The following SAMD12 variants were observed in gnomAD, a reference collection of about 807,000 sequenced individuals.
SAMD12 encodes sterile alpha motif domain containing 12.
A neutral mutation model predicts 15.0 loss-of-function variants in SAMD12; 9 were observed. The observed-to-expected ratio is 0.60, with a 90% CI of 0.36 to 1.05. The LOEUF is 1.05. SAMD12 is among the 50% of genes least tolerant of loss of function. The pLI, the probability that SAMD12 is intolerant of heterozygous loss-of-function variation, is 0.01. For missense variants in SAMD12, 230 were observed against 234.2 expected (o/e 0.98, Z 0.12); for synonymous variants, 86 against 90.1 (o/e 0.96, Z 0.25).
At chr8:118,493,283 C>G (rs1824501408) in intron 2 of SAMD12, among the ~76,000 whole-genome samples, 1 of 152,160 alleles carries the variant, frequency 6.6e-6, no homozygotes, top group African/African-American at 2.4e-5. Context: ...TGCTAAATTT[C>G]TCCCAAGTCT....
intron 4 of SAMD12, among the ~76,000 whole-genome samples, chr8:118,370,752 G>C (rs983031778): frequency 1.3e-5 from 2 of 152,094 alleles, no homozygotes; most frequent in Non-Finnish European, 2.9e-5. Flanking sequence ...CATGGACACA[G>C]GGAGGGGAAC....
At chr8:118,502,770 T>C (rs2131044650) in intron 2 of SAMD12, among the ~76,000 whole-genome samples, 1 of 152,358 alleles carries the variant, frequency 6.6e-6, no homozygotes, top group East Asian at 1.9e-4. Flanking sequence ...CACTGAATTA[T>C]GGCCTATGCA....
intron 4 of SAMD12, among the ~76,000 whole-genome samples, chr8:118,232,459 A>AG (rs1812334039): frequency 6.6e-6 from 1 of 152,108 alleles, no homozygotes; most frequent in Non-Finnish European, 1.5e-5. Context: ...GGCTGAAGTG[A>AG]GGGTAGAGGG....
chr8:118,171,855 A>G, the SAMD12 span, among the ~76,000 whole-genome samples: 3 of 152,142 alleles, frequency 2.0e-5, no homozygotes, highest in East Asian at 3.8e-4. Context: ...TTGCAATAGC[A>G]AAGACTTGGA....
intron 2 of SAMD12, among the ~76,000 whole-genome samples, chr8:118,570,306 C>T (rs1474187611): frequency 6.6e-6 from 1 of 152,146 alleles, no homozygotes; most frequent in Non-Finnish European, 1.5e-5. Context: ...TTTTATCACC[C>T]AGGTATTAAG....
At chr8:118,526,644 A>G (rs1290485786) in intron 2 of SAMD12, among the ~76,000 whole-genome samples, 1 of 152,140 alleles carries the variant, frequency 6.6e-6, no homozygotes, top group African/African-American at 2.4e-5. Context: ...AGTGCTGTTC[A>G]TACCCCTAGG....
chr8:118,140,878 G>C, the SAMD12 span, among the ~76,000 whole-genome samples: 2 of 152,134 alleles, frequency 1.3e-5, no homozygotes, highest in African/African-American at 4.8e-5. Context: ...TAATACAGAA[G>C]AACCCTGGCC....
chr8:118,296,358 C>T lies in SAMD12; in HGVS notation c.433+83202G>A, dbSNP rs570439119. ...TGTGTTCAAAATGTTCCCTCTGCCT[C>T]TAGCTGCAGCTCAAATATCCCCTCC... On this transcript the variant is annotated intron_variant, in intron 4 of 4. Coordinates refer to the SAMD12 transcript ENST00000409003. 5.9e-5 allele frequency among the ~76,000 whole-genome samples: 9 copies of T among 152,352 alleles called. No homozygotes were observed. In the South Asian group the frequency reaches 1.9e-3, roughly 32 times the overall value.
intron 3 of SAMD12, among the ~76,000 whole-genome samples, chr8:118,394,507 A>C (rs1279588619): frequency 6.6e-6 from 1 of 152,250 alleles, no homozygotes; most frequent in African/African-American, 2.4e-5. Context: ...TAAACTAGTG[A>C]AATAATATTT....
chr8:118,341,201 G>A (rs1817349330), intron 4 of SAMD12, among the ~76,000 whole-genome samples: 1 of 152,094 alleles, frequency 6.6e-6, no homozygotes, highest in African/African-American at 2.4e-5. Context: ...ACAGCATGGT[G>A]GTCTCAGGGT....
At chr8:118,470,167 T>A (rs1318702398) in intron 2 of SAMD12, among the ~76,000 whole-genome samples, 1 of 151,698 alleles carries the variant, frequency 6.6e-6, no homozygotes, top group Non-Finnish European at 1.5e-5. Flanking sequence ...CTAAACACTA[T>A]TATATGACTC....
At chr8:118,495,972 A>G (rs1052618178) in intron 2 of SAMD12, among the ~76,000 whole-genome samples, 2 of 152,202 alleles carry the variant, frequency 1.3e-5, no homozygotes, top group Admixed American at 6.5e-5. Context: ...ACGGTCATTA[A>G]AACAATAAAA....
At chr8:118,437,146 T>C (rs1161475742) in intron 3 of SAMD12, among the ~76,000 whole-genome samples, 1 of 152,176 alleles carries the variant, frequency 6.6e-6, no homozygotes, top group Non-Finnish European at 1.5e-5. Flanking sequence ...CCACAGCTTC[T>C]AGCATCATAG....
intron 1 of SAMD12, among the ~76,000 whole-genome samples, chr8:118,615,196 C>CT (rs145546787): frequency 0.01 from 1,566 of 152,248 alleles, 17 homozygotes; most frequent in African/African-American, 0.034. Flanking sequence ...GTTTTGTGCC[C>CT]TTTCCCCGAT....
chr8:118,149,710 C>T, the SAMD12 span, among the ~76,000 whole-genome samples: 143,345 of 152,248 alleles, frequency 0.94, 67,826 homozygotes, highest in Non-Finnish European at 1. Flanking sequence ...GTTTTAAGTT[C>T]TGCATTTATG....
chr8:118,252,493 T>C (rs923211027), intron 4 of SAMD12, among the ~76,000 whole-genome samples: 24 of 152,266 alleles, frequency 1.6e-4, no homozygotes, highest in African/African-American at 5.1e-4. Flanking sequence ...TAGTGCTCTC[T>C]TGACTAGCAG....
chr8:118,328,545 G>A (rs924413892), intron 4 of SAMD12, among the ~76,000 whole-genome samples: 4 of 152,040 alleles, frequency 2.6e-5, no homozygotes, highest in African/African-American at 7.2e-5. Context: ...TAAGTGTGAC[G>A]ATATCCTGGC....
intron 2 of SAMD12, among the ~76,000 whole-genome samples, chr8:118,485,548 C>T (rs187510220): frequency 6.6e-6 from 1 of 152,274 alleles, no homozygotes; most frequent in East Asian, 1.9e-4. Context: ...TGGACTATGA[C>T]ATTTGTGCTA....
downstream of SAMD12, among the ~76,000 whole-genome samples, chr8:118,377,493 A>C (rs1819448798): frequency 6.6e-6 from 1 of 152,190 alleles, no homozygotes. Context: ...CTAGAGAACA[A>C]TGCGGCCTTC....
Sources: allele counts gnomAD v4.1 joint callset (sites outside exome capture counted in the v4.1 genomes callset), GRCh38; gene constraint gnomAD v4.1.1; transcripts MANE v1.5; gene names NCBI Gene and HGNC (gene_info 2026-07-23, HGNC 2026-07-21).